The following COP1 variants were observed in gnomAD, a reference collection of about 807,000 sequenced individuals.
COP1 encodes the protein COP1 E3 ubiquitin ligase.
In COP1, 24 loss-of-function variants were observed where a neutral mutation model predicts 101.3. The ratio of observed to expected loss-of-function variants is 0.24; its 90% CI spans 0.17 to 0.33. The LOEUF (loss-of-function observed/expected upper bound fraction) is 0.33, where lower values mean the gene tolerates loss of function less well. COP1 is among the 10% of genes least tolerant of loss of function. COP1 has a pLI of 1.00. For synonymous variants in COP1, 347 were observed against 341.9 expected (o/e 1.01, Z -0.17); for missense variants, 663 against 906.2 (o/e 0.73, Z 3.45).
At chr1:175,962,697 G>A (rs1172502983) in intron 18 of COP1, among the ~76,000 whole-genome samples, 6 of 152,050 alleles carry the variant, frequency 3.9e-5, no homozygotes, top group Non-Finnish European at 8.8e-5. Context: ...GAACCTAAGA[G>A]GGTAGAAAAG....
At chr1:176,014,274 T>C (rs1043367858) in intron 15 of COP1, among the ~76,000 whole-genome samples, 3 of 152,224 alleles carry the variant, frequency 2.0e-5, no homozygotes, top group African/African-American at 7.2e-5. Flanking sequence ...AACCAATTCC[T>C]ACACAATCAT....
In COP1 at chr1:175,984,482, C is replaced by G. The variant is rs181820596; in HGVS notation, c.2133+2461G>C. ...GGCAGAAGTTTGCTGCAAGGGTGGGCCCCTCATGGAGAACCTCTGCCACGG... is the reference window on the plus strand; with the variant it reads ...GGCAGAAGTTTGCTGCAAGGGTGGGGCCCTCATGGAGAACCTCTGCCACGG... On this transcript the variant is annotated intron_variant, in intron 18 of 19. Coordinates refer to ENST00000367669, the MANE Select transcript of COP1 (RefSeq NM_022457.7). 2.6e-3 allele frequency among the ~76,000 whole-genome samples: 399 copies of G among 152,282 alleles called. 3 individuals carry two copies. The highest frequency in any genetic ancestry group is 9.2e-3 in the African/African-American group (381 of 41,568).
chr1:176,006,985 C>G (rs1021090111), intron 15 of COP1, among the ~76,000 whole-genome samples: 2 of 152,052 alleles, frequency 1.3e-5, no homozygotes, highest in African/African-American at 4.8e-5. Flanking sequence ...TTCAGGTATA[C>G]CAATCAGATG....
intron 5 of COP1, among the ~76,000 whole-genome samples, chr1:176,159,325 C>T (rs190759923): frequency 6.6e-6 from 1 of 152,198 alleles, no homozygotes; most frequent in East Asian, 1.9e-4. Flanking sequence ...CTGGTTATTA[C>T]AGAAATGTAT....
chr1:175,989,628 C>A, intron 15 of COP1, 149 bp from the exon 16 acceptor site: 1 of 559,414 alleles, frequency 1.8e-6, no homozygotes, highest in Non-Finnish European at 3.2e-6. Flanking sequence ...GAATCCTTTT[C>A]AAATATAAGA....
chr1:176,110,021 C>T (rs916147805), intron 9 of COP1, among the ~76,000 whole-genome samples: 2 of 152,056 alleles, frequency 1.3e-5, no homozygotes, highest in African/African-American at 2.4e-5. Flanking sequence ...TTTTTGAGTG[C>T]ACTGATTTTT....
chr1:176,004,141 G>C (rs1456137768), intron 15 of COP1, among the ~76,000 whole-genome samples: 2 of 151,184 alleles, frequency 1.3e-5, no homozygotes, highest in Non-Finnish European at 2.9e-5. Context: ...CTCATGATTC[G>C]GCTCTCTGTT....
At chr1:175,972,958 G>C (rs997274252) in intron 18 of COP1, among the ~76,000 whole-genome samples, 3 of 151,860 alleles carry the variant, frequency 2.0e-5, no homozygotes, top group African/African-American at 4.8e-5. Flanking sequence ...TCAGCCTCCC[G>C]AGTAGCTGAG....
intron 15 of COP1, among the ~76,000 whole-genome samples, chr1:176,021,307 TA>T (rs1297454413): frequency 6.6e-6 from 1 of 152,146 alleles, no homozygotes; most frequent in Non-Finnish European, 1.5e-5. Context: ...GTAAAAGCAT[TA>T]AAAAACACAC....
intron 5 of COP1, among the ~76,000 whole-genome samples, chr1:176,150,217 C>A (rs574511612): frequency 6.6e-6 from 1 of 152,210 alleles, no homozygotes; most frequent in South Asian, 2.1e-4. Context: ...TCTTGCAGAT[C>A]TTTGGATTTT....
intron 18 of COP1, among the ~76,000 whole-genome samples, chr1:175,964,506 A>G (rs1490231678): frequency 6.6e-6 from 1 of 152,216 alleles, no homozygotes; most frequent in Admixed American, 6.5e-5. Flanking sequence ...GAAAATGTAA[A>G]GTACACTGAA....
At chr1:176,071,473 T>C (rs919482586) in intron 11 of COP1, among the ~76,000 whole-genome samples, 2 of 152,190 alleles carry the variant, frequency 1.3e-5, no homozygotes, top group African/African-American at 4.8e-5. Context: ...CACTACCATG[T>C]ACATCACTCT....
chr1:176,137,345 GATTTC>G (rs1234361484), intron 6 of COP1, among the ~76,000 whole-genome samples: 2 of 151,936 alleles, frequency 1.3e-5, no homozygotes, highest in African/African-American at 4.8e-5. Context: ...TGTTCTTTCA[GATTTC>G]ATTTCATTTT....
intron 9 of COP1, among the ~76,000 whole-genome samples, chr1:176,105,763 A>G (rs534127136): frequency 3.3e-5 from 5 of 152,338 alleles, no homozygotes; most frequent in Non-Finnish European, 2.9e-5. Context: ...TCAGTTGGTC[A>G]GCATTGTTTA....
At chr1:176,110,662 A>T (rs1320433419) in intron 9 of COP1, among the ~76,000 whole-genome samples, 1 of 152,328 alleles carries the variant, frequency 6.6e-6, no homozygotes, top group Middle Eastern at 3.4e-3. Flanking sequence ...ACAAAAAAAC[A>T]AAACAACAAA....
At chr1:176,140,856 A>G (rs1245993474) in intron 6 of COP1, among the ~76,000 whole-genome samples, 2 of 152,312 alleles carry the variant, frequency 1.3e-5, no homozygotes, top group East Asian at 3.9e-4. Flanking sequence ...AACTAAGACA[A>G]TGCTATTTGA....
intron 6 of COP1, among the ~76,000 whole-genome samples, chr1:176,143,137 A>AGAGAGAGAGAGAGC (rs1478521679): frequency 6.7e-6 from 1 of 148,644 alleles, no homozygotes; most frequent in South Asian, 2.2e-4. Flanking sequence ...AGAGAGAGAG[A>AGAGAGAGAGAGAGC]GCGAGAGAAA....
At chr1:176,027,130 A>AT (rs1667802412) in intron 15 of COP1, among the ~76,000 whole-genome samples, 1 of 152,172 alleles carries the variant, frequency 6.6e-6, no homozygotes, top group South Asian at 2.1e-4. Context: ...ATACAAGACT[A>AT]TGTCTTATTC....
At position 176,041,118 on chromosome 1, in the gene COP1, C is replaced by T. The variant is rs190942746; in HGVS notation, c.1612+2068G>A. ...AACTTCGTTAAGAGATTTTAGTATA[C>T]AATAGAAATTAAATACAATGCAGCA... On this transcript the variant is annotated intron_variant, in intron 14 of 19. Transcript: ENST00000367669. Among the ~76,000 whole-genome samples, 763 of 151,974 alleles carry T rather than the reference C, an allele frequency of 5.0e-3. 7 individuals are homozygous for T. The highest frequency in any genetic ancestry group is 0.017 in the African/African-American group (725 of 41,450).
Sources: allele counts gnomAD v4.1 joint callset (sites outside exome capture counted in the v4.1 genomes callset), GRCh38; gene constraint gnomAD v4.1.1; transcripts MANE v1.5; gene names NCBI Gene and HGNC (gene_info 2026-07-23, HGNC 2026-07-21).